The following BRD2 variants were observed in gnomAD, a reference collection of about 807,000 sequenced individuals.
BRD2 encodes the protein bromodomain-containing protein 2.
BRD2 carries 15 observed loss-of-function variants against 79.1 expected under a neutral mutation model. The observed-to-expected ratio is 0.19, with a 90% CI of 0.13 to 0.29. The LOEUF (loss-of-function observed/expected upper bound fraction) is 0.29, where lower values mean the gene tolerates loss of function less well. Ranked by LOEUF, BRD2 falls within the 10% of genes least tolerant of loss-of-function variation. BRD2 has a pLI of 1.00. For missense variants in BRD2, 1,053 were observed against 991.3 expected (o/e 1.06, Z -0.84); for synonymous variants, 488 against 358.6 (o/e 1.36, Z -4.08).
At chr6:32,970,546 C>G (rs1777850224) in intron 1 of BRD2, 1 of 152,330 alleles carries the variant, frequency 6.6e-6, no homozygotes. Context: ...TATATTTGTT[C>G]ACCTACGTTG....
At chr6:32,969,136 G>C in intron 1 of BRD2, 80 bp downstream of exon 1, 1 of 539,522 alleles carries the variant, frequency 1.9e-6, no homozygotes, top group Non-Finnish European at 3.4e-6. Context: ...GGGATTCTTG[G>C]GGTTCAGGAA....
intron 10 of BRD2, chr6:32,978,706 T>G (rs984102596): frequency 2.4e-6 from 1 of 408,272 alleles, no homozygotes; most frequent in African/African-American, 2.0e-5. Context: ...TATGAGAATC[T>G]AATGCTTCTG....
chr6:32,975,924 G>A, intron 4 of BRD2, 107 bp from the exon 5 acceptor site: 4 of 1,246,510 alleles, frequency 3.2e-6, no homozygotes, highest in Non-Finnish European at 4.4e-6. Context: ...ATGACTGGTG[G>A]GGGTATGGTA....
At chr6:32,973,735 C>G (rs1217660070) in intron 2 of BRD2, among the ~76,000 whole-genome samples, 1 of 152,098 alleles carries the variant, frequency 6.6e-6, no homozygotes, top group Non-Finnish European at 1.5e-5. Flanking sequence ...GGGGCTATCA[C>G]TTGGTGACCT....
intron 1 of BRD2, among the ~76,000 whole-genome samples, chr6:32,969,827 CA>C (rs1296762003): frequency 6.6e-6 from 1 of 152,152 alleles, no homozygotes; most frequent in African/African-American, 2.4e-5. Flanking sequence ...GGAATGATTT[CA>C]CAGCTCCCAA....
chr6:32,978,369 T>G lies in BRD2; in HGVS notation c.1822T>G (p.Ser608Ala). Residue 608 changes from serine to alanine, a missense_variant, in exon 10 of 13, where the codon TCT (serine) becomes GCT (alanine). Ser to Ala is a moderately conservative substitution (Grantham distance 99, BLOSUM62 1). Transcript: ENST00000374825. ...AALGPSGFGP[S>A]GGSGTKLPKK... Reference sequence around the variant, plus strand: ...TTTAGGCCCTTCTGGCTTTGGACCTTCTGGAGGAAGTGGCACCAAGTGAGT... The same window carrying G: ...TTTAGGCCCTTCTGGCTTTGGACCTGCTGGAGGAAGTGGCACCAAGTGAGT... 1 of 1,612,424 alleles carries G rather than the reference T, an allele frequency of 6.2e-7. No homozygotes were observed. The highest frequency in any genetic ancestry group is 8.5e-7 in the Non-Finnish European group (1 of 1,179,786).
In BRD2 at chr6:32,972,740, C is replaced by A; in HGVS notation, c.-159C>A. The A allele has an allele frequency of 1.8e-6, 2 of 1,110,338 alleles. No homozygotes were observed. Among genetic ancestry groups the A allele is most frequent in the Non-Finnish European group, 2.6e-6 (2 of 759,304 alleles). 68.8% of individuals were successfully genotyped at this position (1,110,338 alleles called of 1,614,324 possible). A position where few individuals can be genotyped will look rare whatever the true frequency, so the allele number is the denominator to read the frequency against. ...AGCTCTCCGAGAGGCCCCAAAGAGACTGCTTTCGTGCCGGCCAGGCAGGGG... is the reference window on the plus strand; with the variant it reads ...AGCTCTCCGAGAGGCCCCAAAGAGAATGCTTTCGTGCCGGCCAGGCAGGGG... On this transcript the variant is annotated 5_prime_UTR_variant, in exon 2 of 13. The change creates a new upstream start codon in the 5' untranslated region. Coordinates refer to ENST00000374825, the MANE Select transcript of BRD2 (RefSeq NM_005104.4).
chr6:32,980,524 T>C, intron 12 of BRD2, 58 bp from the exon 13 acceptor site: 1 of 1,612,416 alleles, frequency 6.2e-7, no homozygotes, highest in Non-Finnish European at 8.5e-7. Context: ...TGACTGTCTT[T>C]TATTGACAAA....
At position 32,972,883 on chromosome 6, in the gene BRD2, G is replaced by A; in HGVS notation, c.-16G>A. The A allele has an allele frequency of 6.2e-7, 1 of 1,614,038 alleles. No homozygotes were observed. The highest frequency in any genetic ancestry group is 2.2e-5 in the East Asian group (1 of 44,880). Reference sequence around the variant, plus strand: ...CTTTCCGCGGCTGAGGGCAGCGCCGGTTCCTTGCGGTCAAGATGCTGCAAA... The same window carrying A: ...CTTTCCGCGGCTGAGGGCAGCGCCGATTCCTTGCGGTCAAGATGCTGCAAA... On this transcript the variant is annotated 5_prime_UTR_variant, in exon 2 of 13. Transcript: ENST00000374825.
chr6:32,975,278 TAG>T (rs1778573522), intron 3 of BRD2, 104 bp from the exon 4 acceptor site: 3 of 1,036,656 alleles, frequency 2.9e-6, no homozygotes, highest in Non-Finnish European at 4.1e-6. Flanking sequence ...CTTTGATGCA[TAG>T]GGGGGGTGTG....
intron 6 of BRD2, 42 bp downstream of exon 6, chr6:32,976,506 G>A: frequency 1.9e-6 from 3 of 1,599,520 alleles, no homozygotes; most frequent in Non-Finnish European, 1.7e-6. Context: ...GGAGGCAAGG[G>A]TCTTAAGTAA....
chr6:32,974,765 G>T lies in BRD2; in HGVS notation c.333G>T (p.Pro111=), dbSNP rs765055674. The T allele has an allele frequency of 6.2e-7, 1 of 1,612,772 alleles. No homozygotes were observed. The highest frequency in any genetic ancestry group is 8.5e-7 in the Non-Finnish European group (1 of 1,179,250). Residue 111 remains proline (P), a splice_region_variant and synonymous_variant, in exon 3 of 13, where the codon CCG becomes CCT. Transcript: ENST00000374825. Reference sequence around the variant, plus strand: ...TGGATGCTGTCAAACTGGGTCTACCGGTGAGTAGAGACATTGGAGCCGGGG... The same window carrying T: ...TGGATGCTGTCAAACTGGGTCTACCTGTGAGTAGAGACATTGGAGCCGGGG... The part of the protein sequence containing the change: ...QPVDAVKLGL[P]DYHKIIKQPM...
At chr6:32,977,664 C>A in intron 8 of BRD2, 93 bp from the exon 9 acceptor site, 3 of 1,602,666 alleles carry the variant, frequency 1.9e-6, no homozygotes, top group South Asian at 1.1e-5. Context: ...TCTCACTGTT[C>A]TGTACAGTTG....
At chr6:32,978,563 C>A in intron 10 of BRD2, 175 bp downstream of exon 10, 1 of 1,051,956 alleles carries the variant, frequency 9.5e-7, no homozygotes, top group Non-Finnish European at 1.3e-6. Flanking sequence ...CAGATTTTAC[C>A]ACAGACAGGG....
intron 4 of BRD2, 142 bp downstream of exon 4, chr6:32,975,663 G>C (rs922371289): frequency 1.0e-6 from 1 of 1,002,490 alleles, no homozygotes; most frequent in Non-Finnish European, 1.5e-6. Flanking sequence ...TTAAAAACCT[G>C]ACTCTAGATG....
rs1157587267 is a variant in BRD2 at position 32,972,017 on chromosome 6, G to C, written c.-882G>C. ...GTTTATGACGTCATCGTTGCGGCTGGCCAATAGAAAAAGCTCCCGCGGAGA... is the reference window on the plus strand; with the variant it reads ...GTTTATGACGTCATCGTTGCGGCTGCCCAATAGAAAAAGCTCCCGCGGAGA... On this transcript the variant is annotated 5_prime_UTR_variant, in exon 2 of 13. Transcript: ENST00000374825. The C allele has an allele frequency of 1.4e-6, 1 of 702,152 alleles. No individual in the cohort carries two copies. The allele number at this position is 702,152 out of a possible 1,614,324, so 43.5% of individuals were successfully genotyped here.
chr6:32,971,534 G>C, intron 1 of BRD2, 61 bp from the exon 2 acceptor site: 1 of 440,564 alleles, frequency 2.3e-6, no homozygotes, highest in Non-Finnish European at 4.0e-6. Flanking sequence ...GAAGCCCGTA[G>C]CTGTTCGCCA....
chr6:32,977,822 C>T lies in BRD2; in HGVS notation c.1395C>T (p.Val465=), dbSNP rs145849910. ...DEPLEPGPLP[V]STAMPPGLAK... is the part of the protein sequence containing the mutation. Reference sequence around the variant, plus strand: ...CACTAGAACCAGGGCCTTTACCAGTCTCTACTGCCATGCCCCCTGGCTTGG... The same window carrying T: ...CACTAGAACCAGGGCCTTTACCAGTTTCTACTGCCATGCCCCCTGGCTTGG... Residue 465 remains valine (V), a synonymous_variant, in exon 9 of 13, where the codon GTC becomes GTT. Coordinates refer to ENST00000374825, the MANE Select transcript of BRD2 (RefSeq NM_005104.4). 1,068 of 1,613,126 alleles carry T rather than the reference C, an allele frequency of 6.6e-4. 2 individuals are homozygous for T. In the Middle Eastern group the frequency reaches 9.7e-3, roughly 15 times the overall value.
chr6:32,972,251 T>G lies in BRD2; in HGVS notation c.-648T>G. On this transcript the variant is annotated 5_prime_UTR_variant, in exon 2 of 13. Transcript: ENST00000374825. ...CTAGAACGAGCTGGAGGATTCTGCC[T>G]ACCGATACAGAGCCTTCGAGTCGTC... is the stretch of plus-strand genomic sequence containing the variant. The G allele has an allele frequency of 2.2e-6, 1 of 464,896 alleles. No individual in the cohort carries two copies. 28.8% of individuals were successfully genotyped at this position (464,896 alleles called of 1,614,324 possible).
Sources: gnomAD v4.1 joint callset for allele counts (sites outside exome capture counted in the v4.1 genomes callset) on GRCh38, gnomAD v4.1.1 for gene constraint, MANE v1.5 for transcripts, NCBI Gene and HGNC (gene_info 2026-07-23, HGNC 2026-07-21) for gene names.